Variants in CCDC152 observed in about 807,000 individuals in gnomAD.
The protein encoded by CCDC152 is coiled-coil domain-containing protein 152.
Under a neutral mutation model 38.1 loss-of-function variants are expected in CCDC152, and 37 were observed. That is an observed-to-expected ratio of 0.97 (90% CI 0.75 to 1.28). CCDC152 has a LOEUF of 1.28. Among genes scored for constraint, CCDC152 ranks in the 50% most tolerant of loss-of-function variants. The pLI, the probability that CCDC152 is intolerant of heterozygous loss-of-function variation, is 0.00. For synonymous variants in CCDC152, 83 were observed against 87.1 expected (o/e 0.95, Z 0.26); for missense variants, 259 against 292.1 (o/e 0.89, Z 0.83).
chr5:42,772,315 A>G (rs1395976914), intron 4 of CCDC152, among the ~76,000 whole-genome samples: 1 of 152,256 alleles, frequency 6.6e-6, no homozygotes, highest in Non-Finnish European at 1.5e-5. Context: ...AAGGCCATAG[A>G]TGAAAAGCTC....
Position 42,770,523 on chromosome 5 carries a change from T to A in CCDC152, c.262+858T>A, listed in dbSNP as rs187176368. 8.4e-4 allele frequency among the ~76,000 whole-genome samples: 128 copies of A among 152,164 alleles called. 1 individual carries two copies. Among genetic ancestry groups the A allele is most frequent in the Admixed American group, 2.8e-3 (43 of 15,286 alleles). ...CTTTTTTTTTTTAACAGTGCTGTAC[T>A]GTTCTGATTATTGTAGCTCTATAAT... is the stretch of plus-strand genomic sequence containing the variant. On this transcript the variant is annotated intron_variant, in intron 4 of 8. Coordinates refer to ENST00000361970, the MANE Select transcript of CCDC152 (RefSeq NM_001134848.2).
chr5:42,773,835 T>C (rs955267455), intron 4 of CCDC152, among the ~76,000 whole-genome samples: 6 of 152,218 alleles, frequency 3.9e-5, no homozygotes, highest in Admixed American at 2.6e-4. Flanking sequence ...AATTAATTTA[T>C]GGAAAAACCA....
intron 7 of CCDC152, among the ~76,000 whole-genome samples, chr5:42,798,502 G>A (rs1445124596): frequency 6.6e-6 from 1 of 152,134 alleles, no homozygotes; most frequent in Non-Finnish European, 1.5e-5. Context: ...ACAAACCACA[G>A]GAAAGGCTGA....
chr5:42,770,048 ATT>A (rs533394140), intron 4 of CCDC152, among the ~76,000 whole-genome samples: 1 of 152,172 alleles, frequency 6.6e-6, no homozygotes, highest in African/African-American at 2.4e-5. Context: ...TTACCATTTA[ATT>A]TTTTTGTCAT....
At chr5:42,798,470 C>G (rs924134230) in intron 7 of CCDC152, among the ~76,000 whole-genome samples, 3 of 152,190 alleles carry the variant, frequency 2.0e-5, no homozygotes, top group Admixed American at 6.5e-5. Flanking sequence ...GCTGCTGCTG[C>G]TGCCATCTGA....
intron 4 of CCDC152, among the ~76,000 whole-genome samples, chr5:42,777,866 A>G (rs2111560709): frequency 6.6e-6 from 1 of 152,056 alleles, no homozygotes; most frequent in Non-Finnish European, 1.5e-5. Context: ...TGTTTAGCTA[A>G]TTCTTAGTTT....
intron 7 of CCDC152, among the ~76,000 whole-genome samples, chr5:42,799,069 G>GA (rs1301071526): frequency 6.6e-6 from 1 of 151,842 alleles, no homozygotes; most frequent in East Asian, 1.9e-4. Flanking sequence ...GATGTTTTGA[G>GA]AAAAAGATGA....
At chr5:42,778,283 G>T (rs909235680) in intron 4 of CCDC152, among the ~76,000 whole-genome samples, 3 of 152,118 alleles carry the variant, frequency 2.0e-5, no homozygotes, top group African/African-American at 7.2e-5. Flanking sequence ...CTGGAACCTC[G>T]AAGTTAAATA....
intron 6 of CCDC152, among the ~76,000 whole-genome samples, chr5:42,792,407 G>A (rs1760016936): frequency 6.6e-6 from 1 of 151,998 alleles, no homozygotes; most frequent in African/African-American, 2.4e-5. Flanking sequence ...TTATCCTTTA[G>A]TATAATGTCA....
At chr5:42,756,913 G>T (rs1759486648) in intron 1 of CCDC152, 28 bp downstream of exon 1, 1 of 152,806 alleles carries the variant, frequency 6.5e-6, no homozygotes, top group Non-Finnish European at 1.5e-5. Context: ...TTGACGGTTC[G>T]AAATTCCCGC....
chr5:42,791,965 C>A (rs906864634), intron 6 of CCDC152, among the ~76,000 whole-genome samples: 12 of 152,150 alleles, frequency 7.9e-5, no homozygotes, highest in African/African-American at 2.9e-4. Context: ...TGCATCTTGA[C>A]CCTAGTTATT....
intron 3 of CCDC152, among the ~76,000 whole-genome samples, chr5:42,766,515 T>C (rs1759626302): frequency 6.6e-6 from 1 of 152,200 alleles, no homozygotes; most frequent in South Asian, 2.1e-4. Flanking sequence ...AACCTAAGTG[T>C]TCATCAACAG....
chr5:42,769,673 A>G lies in CCDC152; in HGVS notation c.262+8A>G. On this transcript the variant is annotated splice_region_variant and intron_variant, in intron 4 of 8. Coordinates refer to ENST00000361970, the MANE Select transcript of CCDC152 (RefSeq NM_001134848.2). Reference sequence around the variant, plus strand: ...ATCAACAGAATTTGAAAGGTAAGTTAGAAAAAAAAGTAAAATCTAAAAAAG... The same window carrying G: ...ATCAACAGAATTTGAAAGGTAAGTTGGAAAAAAAAGTAAAATCTAAAAAAG... The G allele has an allele frequency of 2.7e-6, 4 of 1,472,592 alleles. No individual in the cohort carries two copies. The highest frequency in any genetic ancestry group is 2.8e-5 in the South Asian group (2 of 71,678). 91.2% of individuals were successfully genotyped at this position (1,472,592 alleles called of 1,614,324 possible).
chr5:42,787,389 A>C (rs1355294892), intron 6 of CCDC152, among the ~76,000 whole-genome samples: 1 of 151,478 alleles, frequency 6.6e-6, no homozygotes, highest in East Asian at 1.9e-4. Context: ...TTATATCCTG[A>C]ATCATTTTCT....
At chr5:42,760,283 G>GACAGAGC (rs1289242906) in intron 2 of CCDC152, among the ~76,000 whole-genome samples, 12 of 132,522 alleles carry the variant, frequency 9.1e-5, no homozygotes, top group African/African-American at 3.5e-4. Context: ...CAGTCTGGGC[G>GACAGAGC]ACAGAGCGAG....
rs1029642656 is a variant in CCDC152 at position 42,763,193 on chromosome 5, C to G, written c.193+645C>G. 1.1e-4 allele frequency among the ~76,000 whole-genome samples: 17 copies of G among 152,244 alleles called. No homozygotes were observed. The East Asian group carries it at 3.1e-3, about 28-fold the overall frequency. ...GGAAAAAACAAACAAACAAAAAGCA[C>G]CCCACAGTGATGGGAGTATGTTGAA... On this transcript the variant is annotated intron_variant, in intron 3 of 8. Coordinates refer to ENST00000361970, the MANE Select transcript of CCDC152 (RefSeq NM_001134848.2).
At chr5:42,764,389 AGAG>A (rs1333521744) in intron 3 of CCDC152, among the ~76,000 whole-genome samples, 2 of 152,096 alleles carry the variant, frequency 1.3e-5, no homozygotes, top group Admixed American at 6.6e-5. Flanking sequence ...TCTGAAAAAC[AGAG>A]GAGGAGGAGG....
chr5:42,784,241 C>T (rs1212106184), intron 6 of CCDC152, among the ~76,000 whole-genome samples: 3 of 152,078 alleles, frequency 2.0e-5, no homozygotes, highest in Non-Finnish European at 4.4e-5. Context: ...ACTCCACATC[C>T]CTGACAACAT....
At position 42,769,665 on chromosome 5, in the gene CCDC152, G is replaced by A; in HGVS notation, c.262G>A (p.Gly88Ser). Reference sequence around the variant, plus strand: ...CATTGAATATCAACAGAATTTGAAAGGTAAGTTAGAAAAAAAAGTAAAATC... The same window carrying A: ...CATTGAATATCAACAGAATTTGAAAAGTAAGTTAGAAAAAAAAGTAAAATC... ...QTIEYQQNLKGENEQLKISAD... is the reference protein window; with the variant it reads ...QTIEYQQNLKSENEQLKISAD... The change falls in exon 4 of 9, where the codon GGT becomes AGT. Residue 88 changes from glycine (G) to serine (S), a missense_variant and splice_region_variant. Physicochemically the swap from Gly to Ser is moderately conservative, Grantham distance 56 (BLOSUM62 0). Transcript: ENST00000361970. The A allele has an allele frequency of 6.8e-7, 1 of 1,477,460 alleles. No individual in the cohort carries two copies. The highest frequency in any genetic ancestry group is 9.0e-7 in the Non-Finnish European group (1 of 1,111,188). 91.5% of individuals were successfully genotyped at this position (1,477,460 alleles called of 1,614,324 possible).
Sources: gnomAD v4.1 joint callset for allele counts (sites outside exome capture counted in the v4.1 genomes callset) on GRCh38, gnomAD v4.1.1 for gene constraint, MANE v1.5 for transcripts, NCBI Gene and HGNC (gene_info 2026-07-23, HGNC 2026-07-21) for gene names.